Variants in CNNM3 observed in about 807,000 individuals in gnomAD.
CNNM3 encodes metal transporter CNNM3.
A neutral mutation model predicts 57.1 loss-of-function variants in CNNM3; 47 were observed. The observed-to-expected ratio is 0.82, with a 90% CI of 0.65 to 1.05. The LOEUF (loss-of-function observed/expected upper bound fraction) is 1.05. Ranked by LOEUF, CNNM3 falls within the 50% of genes least tolerant of loss-of-function variation. CNNM3 has a pLI of 0.00. For missense variants in CNNM3, 957 were observed against 973.7 expected (o/e 0.98, Z 0.23); for synonymous variants, 507 against 478.2 (o/e 1.06, Z -0.79).
rs1188797201 is a variant in CNNM3, at chr2:96,816,999, C to T, written c.722C>T (p.Ala241Val). The change falls in exon 1 of 8, where the codon GCC (alanine) becomes GTC (valine). Residue 241 changes from alanine to valine, a missense_variant. Transcript: ENST00000305510. ...LVFLVGEVVP[A>V]AVSGRWTLAL... ...TTCCTGGTGGGAGAGGTGGTGCCGG[C>T]CGCCGTGAGCGGGCGCTGGACGCTG... 3 of 1,366,846 alleles carry T rather than the reference C, an allele frequency of 2.2e-6. No homozygotes were observed. The highest frequency in any genetic ancestry group is 1.5e-5 in the African/African-American group (1 of 64,806). 84.7% of individuals were successfully genotyped at this position (1,366,846 alleles called of 1,614,324 possible).
rs910449757 is a variant in CNNM3 at position 96,832,097 on chromosome 2, C to T, written c.2060-455C>T. Reference sequence around the variant, plus strand: ...AATATCTTCCCTCTCCCTGCCCCTTCACTTCCCTTTCCTGGCCCTTCAGCT... The same window carrying T: ...AATATCTTCCCTCTCCCTGCCCCTTTACTTCCCTTTCCTGGCCCTTCAGCT... On this transcript the variant is annotated intron_variant, in intron 7 of 7. Transcript: ENST00000305510. The T allele has an allele frequency of 2.6e-5, 26 of 995,904 alleles. No homozygotes were observed. The African/African-American group carries it at 4.2e-4, about 16-fold the overall frequency. The allele number at this position is 995,904 out of a possible 1,614,324, so 61.7% of individuals were successfully genotyped here.
At chr2:96,828,966 T>C (rs753492511) in intron 6 of CNNM3, 30 bp from the exon 7 acceptor site, 13 of 1,609,788 alleles carry the variant, frequency 8.1e-6, no homozygotes, top group Non-Finnish European at 1.1e-5. Flanking sequence ...GCTTCACCAA[T>C]TGGGTCCCAG....
chr2:96,828,353 G>A, intron 5 of CNNM3, 158 bp downstream of exon 5: 1 of 820,742 alleles, frequency 1.2e-6, no homozygotes, highest in Non-Finnish European at 1.9e-6. Flanking sequence ...AGGAGGGAGG[G>A]CAGCATTCTT....
chr2:96,829,055 G>C lies in CNNM3; in HGVS notation c.1980G>C (p.Gln660His). The change falls in exon 7 of 8, where the codon CAG becomes CAC. Residue 660 changes from glutamine to histidine, a missense_variant. By Grantham distance (24) the Gln-to-His change is conservative (BLOSUM62 0). This residue lies in a region of CNNM3 where 491 missense variants were observed against 570.6 expected (regional missense o/e 0.86). Coordinates refer to ENST00000305510, the MANE Select transcript of CNNM3 (RefSeq NM_017623.5). ...LLATRAQNLP[Q>H]SPENTDLQVI... ...CTACCCGAGCCCAGAACCTGCCACA[G>C]TCCCCTGAGAACACCGACCTGCAGG... The C allele has an allele frequency of 6.2e-7, 1 of 1,613,984 alleles. No homozygotes were observed. The highest frequency in any genetic ancestry group is 8.5e-7 in the Non-Finnish European group (1 of 1,180,006).
Position 96,832,917 on chromosome 2 carries a change from C to T in CNNM3, c.*301C>T. ...CCCAGGGCCCAGCCTTCCCCTTCTC[C>T]CCCGGGGCAGGGACAGTGCGGCATA... On this transcript the variant is annotated 3_prime_UTR_variant, in exon 8 of 8. Transcript: ENST00000305510. 6.9e-7 allele frequency: 1 copy of T among 1,439,650 alleles called. No homozygotes were observed. The highest frequency in any genetic ancestry group is 9.2e-7 in the Non-Finnish European group (1 of 1,085,752). The allele number at this position is 1,439,650 out of a possible 1,614,324, so 89.2% of individuals were successfully genotyped here.
rs59161358 is a variant in CNNM3, at chr2:96,834,330, T to TTTATTATTATTATTA, written c.*1732_*1746dup. Among the ~76,000 whole-genome samples the TTTATTATTATTATTA allele has an allele frequency of 1.4e-5, 2 of 146,470 alleles. No individual in the cohort carries two copies. Among genetic ancestry groups the TTTATTATTATTATTA allele is most frequent in the African/African-American group, 5.1e-5 (2 of 39,052 alleles). On this transcript the variant is annotated 3_prime_UTR_variant, in exon 8 of 8. Coordinates refer to ENST00000305510, the MANE Select transcript of CNNM3 (RefSeq NM_017623.5). ...ATCAGAGTTTTCAATTTTTTATTTATTTATTATTATTATTATTATTATTAT... is the reference window on the plus strand; with the variant it reads ...ATCAGAGTTTTCAATTTTTTATTTATTTATTATTATTATTATTATTATTATTATTATTATTATTAT...
chr2:96,820,797 G>A (rs1479332533), intron 1 of CNNM3, among the ~76,000 whole-genome samples: 3 of 152,226 alleles, frequency 2.0e-5, no homozygotes, highest in Non-Finnish European at 4.4e-5. Context: ...ACTGGCAGAG[G>A]ATGTGGGACA....
chr2:96,829,303 T>A (rs954308827), intron 7 of CNNM3, 169 bp downstream of exon 7: 2 of 840,200 alleles, frequency 2.4e-6, no homozygotes, highest in Non-Finnish European at 2.9e-6. Flanking sequence ...ATAATTTTTT[T>A]TTTTTTTGAG....
At chr2:96,830,530 A>G (rs942464555) in intron 7 of CNNM3, among the ~76,000 whole-genome samples, 1 of 152,218 alleles carries the variant, frequency 6.6e-6, no homozygotes, top group African/African-American at 2.4e-5. Context: ...GGTCACATGC[A>G]GGTGCAAGGG....
chr2:96,824,972 G>A, intron 1 of CNNM3, 86 bp from the exon 2 acceptor site: 1 of 1,494,960 alleles, frequency 6.7e-7, no homozygotes, highest in Non-Finnish European at 9.2e-7. Flanking sequence ...CGTTAGCCGT[G>A]TCCTTTTGGT....
At position 96,827,846 on chromosome 2, in the gene CNNM3, C is replaced by T. The variant is rs762920032; in HGVS notation, c.1635C>T (p.His545=). The change falls in exon 4 of 8, where the codon CAC becomes CAT. Residue 545 remains histidine (H), a synonymous_variant. Coordinates refer to ENST00000305510, the MANE Select transcript of CNNM3 (RefSeq NM_017623.5). ...RFDESNRLAT[H]HYLYQRSQPV... is the part of the protein sequence containing the mutation. ...ACGAGAGCAACCGGCTGGCCACACA[C>T]CACTACCTGTACCAGCGCAGCCAGC... 2 of 1,614,040 alleles carry T rather than the reference C, an allele frequency of 1.2e-6. No homozygotes were observed. The highest frequency in any genetic ancestry group is 2.7e-5 in the African/African-American group (2 of 74,942).
chr2:96,818,061 A>G (rs188740382), intron 1 of CNNM3, among the ~76,000 whole-genome samples: 34 of 152,276 alleles, frequency 2.2e-4, no homozygotes, highest in Non-Finnish European at 4.7e-4. Flanking sequence ...GAAACTTAAC[A>G]CTTTGCTTTC....
intron 7 of CNNM3, among the ~76,000 whole-genome samples, chr2:96,830,284 C>T (rs567514126): frequency 2.0e-5 from 3 of 151,992 alleles, no homozygotes; most frequent in Non-Finnish European, 2.9e-5. Context: ...CTGTTATCAG[C>T]ACTTCCTCTG....
downstream of CNNM3, among the ~76,000 whole-genome samples, chr2:96,836,088 C>CTT (rs1553484521): frequency 2.8e-5 from 4 of 143,548 alleles, no homozygotes; most frequent in South Asian, 2.2e-4. Flanking sequence ...CCCTCCCCCC[C>CTT]TTTTTTTTTT....
At chr2:96,828,474 T>G (rs1574112610) in intron 5 of CNNM3, 93 bp from the exon 6 acceptor site, 1 of 1,462,236 alleles carries the variant, frequency 6.8e-7, no homozygotes, top group Non-Finnish European at 9.4e-7. Flanking sequence ...ATTGGTGGGG[T>G]GGGTCTTCGA....
At chr2:96,828,038 T>C (rs1480787522) in intron 4 of CNNM3, 61 bp from the exon 5 acceptor site, 5 of 1,581,542 alleles carry the variant, frequency 3.2e-6, no homozygotes, top group Middle Eastern at 3.3e-4. Flanking sequence ...CTCCTTCCGC[T>C]GTCTTCTGAC....
In CNNM3 at chr2:96,816,510, G is replaced by T; in HGVS notation, c.233G>T (p.Trp78Leu). The T allele has an allele frequency of 7.1e-7, 1 of 1,414,872 alleles. No individual in the cohort carries two copies. Among genetic ancestry groups the T allele is most frequent in the Non-Finnish European group, 9.2e-7 (1 of 1,082,300 alleles). The allele number at this position is 1,414,872 out of a possible 1,614,324, so 87.6% of individuals were successfully genotyped here. A position where few individuals can be genotyped will look rare whatever the true frequency, so the allele number is the denominator to read the frequency against. Reference protein sequence around the residue: ...GPGFANSSWSWVAPEGAGCRE... With the variant: ...GPGFANSSWSLVAPEGAGCRE... ...GGCTTCGCCAACAGCTCTTGGTCCT[G>T]GGTGGCCCCGGAGGGGGCGGGCTGC... is the stretch of plus-strand genomic sequence containing the variant. Residue 78 changes from tryptophan to leucine, a missense_variant, in exon 1 of 8, where the codon TGG (tryptophan) becomes TTG (leucine). Trp to Leu is a moderately conservative substitution (Grantham distance 61). Transcript: ENST00000305510.
chr2:96,827,014 T>C (rs772256333), intron 3 of CNNM3, 32 bp downstream of exon 3: 1 of 1,607,352 alleles, frequency 6.2e-7, no homozygotes, highest in South Asian at 1.1e-5. Flanking sequence ...TGCCCCCTGC[T>C]CTCCTCACCG....
In CNNM3 at chr2:96,816,561, G is replaced by A; in HGVS notation, c.284G>A (p.Gly95Asp). 7.6e-7 allele frequency: 1 copy of A among 1,311,030 alleles called. No individual in the cohort carries two copies. Among genetic ancestry groups the A allele is most frequent in the Non-Finnish European group, 9.7e-7 (1 of 1,033,794 alleles). 81.2% of individuals were successfully genotyped at this position (1,311,030 alleles called of 1,614,324 possible). Residue 95 changes from glycine (G) to aspartate (D), a missense_variant, in exon 1 of 8, where the codon GGC (glycine) becomes GAC (aspartate). Transcript: ENST00000305510. ...CGGGAGGAGGCGGCCTCCCCCGCGGGCGAGTGGCGCGCGCTGCTGCGCTTG... is the reference window on the plus strand; with the variant it reads ...CGGGAGGAGGCGGCCTCCCCCGCGGACGAGTGGCGCGCGCTGCTGCGCTTG... Reference protein sequence around the residue: ...GCREEAASPAGEWRALLRLRL... With the variant: ...GCREEAASPADEWRALLRLRL...
Sources: allele counts gnomAD v4.1 joint callset (sites outside exome capture counted in the v4.1 genomes callset), GRCh38; gene constraint gnomAD v4.1.1; regional missense constraint gnomAD v4.1.1; transcripts MANE v1.5; gene names NCBI Gene and HGNC (gene_info 2026-07-23, HGNC 2026-07-21).